The following BTAF1 variants were observed in gnomAD, a reference collection of about 807,000 sequenced individuals.
BTAF1 encodes the protein B-TFIID TATA-box binding protein associated factor 1.
In BTAF1, 38 loss-of-function variants were observed where a neutral mutation model predicts 227.1. The ratio of observed to expected loss-of-function variants is 0.17; its 90% CI spans 0.13 to 0.22. The LOEUF (loss-of-function observed/expected upper bound fraction) is 0.22. Ranked by LOEUF, BTAF1 falls within the 10% of genes least tolerant of loss-of-function variation. The pLI is 1.00. For synonymous variants in BTAF1, 742 were observed against 751.9 expected, an observed-to-expected ratio of 0.99 and a Z score of 0.21; for missense variants, 1,598 against 2,204.0, an observed-to-expected ratio of 0.73 and a Z score of 5.51.
At chr10:91,988,900 A>G (rs1281691363) in intron 19 of BTAF1, among the ~76,000 whole-genome samples, 4 of 152,232 alleles carry the variant, frequency 2.6e-5, no homozygotes, top group Admixed American at 1.3e-4. Flanking sequence ...AGACATATTT[A>G]AAGGTTAGAT....
chr10:91,980,716 A>G (rs1848002170), intron 15 of BTAF1, among the ~76,000 whole-genome samples, 158 bp downstream of exon 15: 1 of 152,192 alleles, frequency 6.6e-6, no homozygotes, highest in Non-Finnish European at 1.5e-5. Flanking sequence ...TCTTACATGT[A>G]GCATGTAATA....
intron 11 of BTAF1, among the ~76,000 whole-genome samples, chr10:91,961,723 C>T (rs893065525): frequency 3.9e-5 from 6 of 152,080 alleles, no homozygotes; most frequent in South Asian, 2.1e-4. Context: ...ATCCCTATTT[C>T]GTAGTGAAAC....
intron 19 of BTAF1, among the ~76,000 whole-genome samples, chr10:91,986,278 G>A (rs576604699): frequency 2.6e-5 from 4 of 152,236 alleles, no homozygotes; most frequent in African/African-American, 4.8e-5. Flanking sequence ...AGTATGCTGT[G>A]TATCTGGGCC....
chr10:92,020,284 C>CT (rs1048012096), intron 34 of BTAF1, among the ~76,000 whole-genome samples: 24 of 152,204 alleles, frequency 1.6e-4, no homozygotes, highest in Admixed American at 6.5e-4. Context: ...ACTGCATACT[C>CT]TATCATTTTG....
intron 14 of BTAF1, among the ~76,000 whole-genome samples, chr10:91,978,998 G>T (rs889685945): frequency 1.3e-5 from 2 of 151,620 alleles, no homozygotes; most frequent in African/African-American, 4.8e-5. Flanking sequence ...CCTCAAGTAG[G>T]CCCCAGTGTC....
At chr10:91,962,378 G>C (rs1846588326) in intron 11 of BTAF1, among the ~76,000 whole-genome samples, 160 bp from the exon 12 acceptor site, 1 of 152,172 alleles carries the variant, frequency 6.6e-6, no homozygotes. Context: ...CAGAATGACA[G>C]AATTGCCTGA....
Position 91,991,822 on chromosome 10 carries a change from T to C in BTAF1, c.2855-297T>C, listed in dbSNP as rs370093756. On this transcript the variant is annotated intron_variant, in intron 20 of 37. Transcript: ENST00000265990. ...GTATATATATATATATATATATATA[T>C]ATATATATATACACACATATATACA... Among the ~76,000 whole-genome samples the C allele has an allele frequency of 1.4e-4, 12 of 88,284 alleles. No individual in the cohort carries two copies. In the East Asian group the frequency reaches 3.7e-3, roughly 27 times the overall value. The allele number at this position is 88,284 out of a possible 152,430, so 57.9% of individuals were successfully genotyped here.
chr10:91,982,398 C>T (rs1848128865), intron 17 of BTAF1, 173 bp downstream of exon 17: 3 of 1,039,258 alleles, frequency 2.9e-6, no homozygotes, highest in Non-Finnish European at 4.1e-6. Context: ...TATTTTAAAG[C>T]TTTAAAATAG....
intron 34 of BTAF1, among the ~76,000 whole-genome samples, chr10:92,023,552 C>T (rs549544641): frequency 6.6e-6 from 1 of 152,218 alleles, no homozygotes; most frequent in African/African-American, 2.4e-5. Context: ...GGCGTGATGG[C>T]AGGCACCTGT....
chr10:91,931,540 A>C (rs1844276712), intron 1 of BTAF1, among the ~76,000 whole-genome samples: 1 of 152,124 alleles, frequency 6.6e-6, no homozygotes, highest in Admixed American at 6.5e-5. Flanking sequence ...GTGTTCCCTC[A>C]GTCAGCCCTC....
intron 4 of BTAF1, among the ~76,000 whole-genome samples, chr10:91,948,368 ACTAT>A (rs1845530902): frequency 1.5e-5 from 2 of 131,088 alleles, no homozygotes; most frequent in African/African-American, 5.4e-5. Flanking sequence ...CAGTTTTAGA[ACTAT>A]TTATTTATTT....
chr10:92,010,005 T>C (rs1850188022), intron 28 of BTAF1, among the ~76,000 whole-genome samples: 1 of 152,224 alleles, frequency 6.6e-6, no homozygotes, highest in East Asian at 1.9e-4. Context: ...TTTTAGTTTT[T>C]ATCTTGAGCA....
At chr10:91,928,849 C>T (rs1301269128) in intron 1 of BTAF1, among the ~76,000 whole-genome samples, 1 of 140,032 alleles carries the variant, frequency 7.1e-6, no homozygotes, top group East Asian at 2.2e-4. Context: ...TTTTTGGAGG[C>T]AGAGTCTCAC....
chr10:91,963,955 G>C, intron 12 of BTAF1, 122 bp from the exon 13 acceptor site: 1 of 1,079,544 alleles, frequency 9.3e-7, no homozygotes. Context: ...AATTGACACC[G>C]TCCAAGGTCA....
At chr10:92,007,414 A>G (rs926971382) in intron 25 of BTAF1, among the ~76,000 whole-genome samples, 1 of 151,882 alleles carries the variant, frequency 6.6e-6, no homozygotes, top group African/African-American at 2.4e-5. Flanking sequence ...ACAGGGTTTC[A>G]CCATGTTGGC....
chr10:92,027,363 A>G, intron 37 of BTAF1, 63 bp downstream of exon 37: 2 of 1,457,364 alleles, frequency 1.4e-6, no homozygotes, highest in Middle Eastern at 2.1e-4. Context: ...TGCTAAGTTG[A>G]AAGTATTAAA....
intron 22 of BTAF1, among the ~76,000 whole-genome samples, chr10:91,994,230 G>A (rs1848992051): frequency 6.6e-6 from 1 of 152,006 alleles, no homozygotes; most frequent in South Asian, 2.1e-4. Context: ...AACCCTGGGG[G>A]TGGAGGTTGC....
chr10:91,959,760 ATATATATATATT>A lies in BTAF1; in HGVS notation c.991-24_991-13del, dbSNP rs774389932. 1.5e-4 allele frequency: 86 copies of A among 558,766 alleles called. No homozygotes were observed. The highest frequency in any genetic ancestry group is 1.3e-3 in the African/African-American group (66 of 49,552). 34.6% of individuals were successfully genotyped at this position (558,766 alleles called of 1,614,324 possible). ...TGTGTGTATATATATATATATATAT[ATATATATATATT>A]ATATTTTAACAGATGATTCAGCAGC... On this transcript the variant is annotated splice_polypyrimidine_tract_variant and intron_variant, in intron 9 of 37. Transcript: ENST00000265990.
intron 1 of BTAF1, 84 bp from the exon 2 acceptor site, chr10:91,935,573 A>G: frequency 1.4e-6 from 2 of 1,456,422 alleles, no homozygotes; most frequent in Non-Finnish European, 1.9e-6. Context: ...CATTCATAGC[A>G]TCTGCTCAGT....
Sources: allele counts gnomAD v4.1 joint callset (sites outside exome capture counted in the v4.1 genomes callset), GRCh38; gene constraint gnomAD v4.1.1; transcripts MANE v1.5; gene names NCBI Gene and HGNC (gene_info 2026-07-23, HGNC 2026-07-21).